Variants in LHFPL6 observed in about 807,000 individuals in gnomAD.
LHFPL6 encodes LHFPL tetraspan subfamily member 6.
A neutral mutation model predicts 20.6 loss-of-function variants in LHFPL6; 9 were observed. The observed-to-expected ratio is 0.44, with a 90% CI of 0.26 to 0.76. The LOEUF (loss-of-function observed/expected upper bound fraction) is 0.76, where lower values mean the gene tolerates loss of function less well. LHFPL6 is among the 30% of genes least tolerant of loss of function. LHFPL6 has a pLI of 0.20. For missense variants in LHFPL6, 218 were observed against 253.5 expected (o/e 0.86, Z 0.95); for synonymous variants, 105 against 98.7 (o/e 1.06, Z -0.38).
At chr13:39,353,600 C>T (rs780533416) in intron 3 of LHFPL6, among the ~76,000 whole-genome samples, 3 of 151,840 alleles carry the variant, frequency 2.0e-5, no homozygotes, top group African/African-American at 4.8e-5. Flanking sequence ...TGGTGTCATG[C>T]GCCTGTAGTC....
At chr13:39,497,263 A>G (rs369073286) in intron 2 of LHFPL6, among the ~76,000 whole-genome samples, 2 of 152,214 alleles carry the variant, frequency 1.3e-5, no homozygotes, top group South Asian at 4.1e-4. Flanking sequence ...AGCCACAAGC[A>G]CTGTACTTAC....
chr13:39,359,309 A>T (rs1369368271), intron 3 of LHFPL6, among the ~76,000 whole-genome samples: 4 of 152,162 alleles, frequency 2.6e-5, no homozygotes, highest in Non-Finnish European at 5.9e-5. Context: ...CTACCATTCA[A>T]CTCAACAATC....
chr13:39,552,456 G>A lies in LHFPL6; in HGVS notation c.385+48376C>T, dbSNP rs79770116. On this transcript the variant is annotated intron_variant, in intron 2 of 3. Transcript: ENST00000379589. ...TCATGAACAGCAGGAGTGAGTACTG[G>A]TGCATGCAAGGGATCAAAGGCTGTG... Among the ~76,000 whole-genome samples the A allele has an allele frequency of 2.4e-3, 360 of 152,226 alleles. 8 individuals carry two copies. The highest frequency in any genetic ancestry group is 0.016 in the Admixed American group (239 of 15,302).
chr13:39,547,749 T>A (rs1676130677), intron 2 of LHFPL6, among the ~76,000 whole-genome samples: 1 of 152,116 alleles, frequency 6.6e-6, no homozygotes, highest in Admixed American at 6.5e-5. Flanking sequence ...CTTTAAAAAA[T>A]TTATTCCTTT....
At chr13:39,480,512 G>A (rs948191522) in intron 2 of LHFPL6, among the ~76,000 whole-genome samples, 1 of 152,166 alleles carries the variant, frequency 6.6e-6, no homozygotes, top group African/African-American at 2.4e-5. Flanking sequence ...CTGAGATACA[G>A]GCCATTTACT....
At position 39,598,156 on chromosome 13, in the gene LHFPL6, G is replaced by A. The variant is rs530157731; in HGVS notation, c.385+2676C>T. On this transcript the variant is annotated intron_variant, in intron 2 of 3. Transcript: ENST00000379589. ...GAACTCACTGGTTTGGCATTCTGCC[G>A]AGTCTTTATGAAACCCAACTCATCA... Among the ~76,000 whole-genome samples, 303 of 152,354 alleles carry A rather than the reference G, an allele frequency of 2.0e-3. 1 individual carries two copies. The highest frequency in any genetic ancestry group is 3.0e-3 in the Non-Finnish European group (206 of 68,044).
chr13:39,399,394 C>T (rs1870926586), intron 2 of LHFPL6, among the ~76,000 whole-genome samples: 1 of 151,958 alleles, frequency 6.6e-6, no homozygotes, highest in African/African-American at 2.4e-5. Context: ...AGGCTCTAAA[C>T]CAGCAAGAAA....
intron 2 of LHFPL6, among the ~76,000 whole-genome samples, chr13:39,436,755 A>G (rs950651799): frequency 1.5e-4 from 23 of 152,378 alleles, no homozygotes; most frequent in Non-Finnish European, 3.1e-4. Flanking sequence ...TTACACATCA[A>G]TATCACATTG....
intron 2 of LHFPL6, among the ~76,000 whole-genome samples, chr13:39,583,829 C>T (rs1266481486): frequency 6.6e-6 from 1 of 152,146 alleles, no homozygotes; most frequent in Non-Finnish European, 1.5e-5. Context: ...CTGGCCACTG[C>T]CTCCCTCTCC....
chr13:39,591,741 T>C (rs939967106), intron 2 of LHFPL6, among the ~76,000 whole-genome samples: 1 of 152,128 alleles, frequency 6.6e-6, no homozygotes, highest in Non-Finnish European at 1.5e-5. Context: ...GGCTAGGCCT[T>C]GGACTGTTTA....
chr13:39,522,176 A>G (rs1198837709), intron 2 of LHFPL6, among the ~76,000 whole-genome samples: 1 of 152,222 alleles, frequency 6.6e-6, no homozygotes, highest in Non-Finnish European at 1.5e-5. Context: ...ACCATATGCC[A>G]GGCACTGTGC....
chr13:39,562,373 T>TACAC lies in LHFPL6; in HGVS notation c.385+38458_385+38459insGTGT, dbSNP rs1397717836. ...ATACATATATATACATATACATATA[T>TACAC]ACATATATACATATACATATATATA... On this transcript the variant is annotated intron_variant, in intron 2 of 3. Transcript: ENST00000379589. Among the ~76,000 whole-genome samples the TACAC allele has an allele frequency of 3.3e-5, 4 of 120,780 alleles. No homozygotes were observed. In the South Asian group the frequency reaches 1.1e-3, roughly 33 times the overall value. The allele number at this position is 120,780 out of a possible 152,430, so 79.2% of individuals were successfully genotyped here. A position where few individuals can be genotyped will look rare whatever the true frequency, so the allele number is the denominator to read the frequency against.
chr13:39,499,677 C>G (rs2138462303), intron 2 of LHFPL6, among the ~76,000 whole-genome samples: 1 of 152,314 alleles, frequency 6.6e-6, no homozygotes, highest in East Asian at 1.9e-4. Context: ...AGCTTCTAGC[C>G]ATCAGCTTAG....
intron 2 of LHFPL6, among the ~76,000 whole-genome samples, chr13:39,524,910 G>C (rs1357265952): frequency 6.6e-6 from 1 of 152,194 alleles, no homozygotes; most frequent in African/African-American, 2.4e-5. Context: ...GGGATGATGA[G>C]AATATAAAAT....
intron 2 of LHFPL6, among the ~76,000 whole-genome samples, chr13:39,582,905 G>A (rs1412181851): frequency 6.6e-6 from 1 of 152,170 alleles, no homozygotes; most frequent in East Asian, 1.9e-4. Context: ...ATCAAAAGCT[G>A]CAAAATTGAA....
At chr13:39,476,485 T>C (rs1873087213) in intron 2 of LHFPL6, among the ~76,000 whole-genome samples, 1 of 152,256 alleles carries the variant, frequency 6.6e-6, no homozygotes, top group Admixed American at 6.5e-5. Context: ...AAGAATTATT[T>C]GGTCCTTGGC....
intron 2 of LHFPL6, among the ~76,000 whole-genome samples, chr13:39,507,479 G>T (rs189390711): frequency 6.6e-6 from 1 of 152,092 alleles, no homozygotes; most frequent in Non-Finnish European, 1.5e-5. Flanking sequence ...CAAAGTATGT[G>T]GGAAATGCCC....
intron 2 of LHFPL6, among the ~76,000 whole-genome samples, chr13:39,583,169 CT>C (rs34898470): frequency 0.012 from 1,336 of 114,104 alleles, 22 homozygotes; most frequent in African/African-American, 0.041. Flanking sequence ...ATGCCAAATT[CT>C]TTTTTTTTTT....
chr13:39,365,100 A>C (rs1245046419), intron 3 of LHFPL6, among the ~76,000 whole-genome samples: 1 of 152,134 alleles, frequency 6.6e-6, no homozygotes, highest in African/African-American at 2.4e-5. Flanking sequence ...TGTAGCTGCT[A>C]TTTATAAAGG....
Sources: gnomAD v4.1 joint callset for allele counts (sites outside exome capture counted in the v4.1 genomes callset) on GRCh38, gnomAD v4.1.1 for gene constraint, MANE v1.5 for transcripts, NCBI Gene and HGNC (gene_info 2026-07-23, HGNC 2026-07-21) for gene names.